Variants in SNAPC3 observed in about 807,000 individuals in gnomAD.
The protein encoded by SNAPC3 is snRNA-activating protein complex subunit 3.
Under a neutral mutation model 47.7 loss-of-function variants are expected in SNAPC3, and 56 were observed. That is an observed-to-expected ratio of 1.18 (90% confidence interval 0.95 to 1.47). The LOEUF (loss-of-function observed/expected upper bound fraction) is 1.47. Ranked by LOEUF, SNAPC3 falls within the 40% of genes most tolerant of loss-of-function variation. The probability of loss-of-function intolerance (pLI) is 0.00; values close to 1 mark genes in which losing one functional copy is unlikely to be tolerated. For missense variants in SNAPC3, 665 were observed against 511.3 expected (o/e 1.30, Z -2.90); for synonymous variants, 235 against 189.9 (o/e 1.24, Z -1.95).
Position 15,436,361 on chromosome 9 carries a change from A to G in SNAPC3, c.477+2725A>G, listed in dbSNP as rs77973928. ...ATCCACTTTGAGTTGATTTTTATAT[A>G]TGATGTAAGGTAAGGGTTTGATTTC... On this transcript the variant is annotated intron_variant, in intron 3 of 8. Coordinates refer to ENST00000380821, the MANE Select transcript of SNAPC3 (RefSeq NM_001039697.2). 1.8e-3 allele frequency among the ~76,000 whole-genome samples: 268 copies of G among 152,260 alleles called. 1 individual carries two copies. Among genetic ancestry groups the G allele is most frequent in the Admixed American group, 3.7e-3 (57 of 15,290 alleles).
At chr9:15,449,541 A>T (rs1421839996) in intron 5 of SNAPC3, among the ~76,000 whole-genome samples, 4 of 36,498 alleles carry the variant, frequency 1.1e-4, no homozygotes, top group African/African-American at 1.1e-4. Context: ...ATTATTATAT[A>T]TATATATATA....
intron 5 of SNAPC3, among the ~76,000 whole-genome samples, chr9:15,447,796 C>T (rs948536841): frequency 6.6e-6 from 1 of 152,172 alleles, no homozygotes; most frequent in East Asian, 1.9e-4. Context: ...CTTCACCTTT[C>T]GCTGCCCAAG....
At chr9:15,451,664 A>G (rs2034396491) in intron 6 of SNAPC3, among the ~76,000 whole-genome samples, 2 of 152,212 alleles carry the variant, frequency 1.3e-5, no homozygotes, top group South Asian at 4.1e-4. Context: ...GTGAATACCC[A>G]CTGCTTTCCA....
intron 5 of SNAPC3, among the ~76,000 whole-genome samples, chr9:15,448,689 T>C (rs925549419): frequency 6.6e-6 from 1 of 152,248 alleles, no homozygotes; most frequent in Non-Finnish European, 1.5e-5. Flanking sequence ...TGAGTTATGC[T>C]GAAAATGGTT....
At chr9:15,455,230 T>A (rs1430849976) in intron 7 of SNAPC3, among the ~76,000 whole-genome samples, 1 of 152,206 alleles carries the variant, frequency 6.6e-6, no homozygotes, top group Non-Finnish European at 1.5e-5. Flanking sequence ...ATATGACTTT[T>A]AAAATTATAG....
In SNAPC3 at chr9:15,423,981, T is replaced by C; in HGVS notation, c.387T>C (p.Thr129=). Reference sequence around the variant, plus strand: ...TTCCGGAGAATACTGACCTGGTGACTTTGGGGTATGGAGGACTTGGTTTTT... The same window carrying C: ...TTCCGGAGAATACTGACCTGGTGACCTTGGGGTATGGAGGACTTGGTTTTT... ...EVIPENTDLV[T]LGVRKRFLEH... The change falls in exon 2 of 9, where the codon ACT becomes ACC. Residue 129 remains threonine, a synonymous_variant. Transcript: ENST00000380821. The C allele has an allele frequency of 6.4e-7, 1 of 1,562,858 alleles. No individual in the cohort carries two copies. The highest frequency in any genetic ancestry group is 8.7e-7 in the Non-Finnish European group (1 of 1,153,432).
chr9:15,447,208 C>T lies in SNAPC3; in HGVS notation c.696C>T (p.Ser232=), dbSNP rs767428188. Residue 232 remains serine (S), a synonymous_variant, in exon 5 of 9, where the codon AGC becomes AGT. Coordinates refer to ENST00000380821, the MANE Select transcript of SNAPC3 (RefSeq NM_001039697.2). ...ACCTCCAGATTGGTGGTGAATTCAG[C>T]AACACTCCTGACCAAGCCCCTGAGC... ...VSDLQIGGEF[S]NTPDQAPEHI... The T allele has an allele frequency of 6.2e-7, 1 of 1,614,052 alleles. No homozygotes were observed. Among genetic ancestry groups the T allele is most frequent in the Non-Finnish European group, 8.5e-7 (1 of 1,179,950 alleles).
At chr9:15,442,554 G>A (rs1183719377) in intron 3 of SNAPC3, among the ~76,000 whole-genome samples, 3 of 149,958 alleles carry the variant, frequency 2.0e-5, no homozygotes, top group Non-Finnish European at 4.5e-5. Context: ...GGGCAGAGGC[G>A]CTCCTCACAT....
intron 3 of SNAPC3, chr9:15,433,910 C>T (rs1465126902): frequency 4.1e-6 from 1 of 241,770 alleles, no homozygotes; most frequent in East Asian, 8.2e-5. Context: ...TTTCACTACC[C>T]TATTTCTGGT....
intron 1 of SNAPC3, 143 bp downstream of exon 1, chr9:15,423,336 C>T: frequency 1.2e-6 from 1 of 822,866 alleles, no homozygotes; most frequent in Non-Finnish European, 1.8e-6. Context: ...GCTTTCAACC[C>T]GCTGGAGCCT....
At chr9:15,437,035 A>T (rs1397755185) in intron 3 of SNAPC3, among the ~76,000 whole-genome samples, 1 of 151,530 alleles carries the variant, frequency 6.6e-6, no homozygotes, top group African/African-American at 2.4e-5. Context: ...GTGTTGGCCA[A>T]ACTGGTCTCC....
At chr9:15,453,227 ATT>A in intron 7 of SNAPC3, 22 bp downstream of exon 7, 1 of 1,548,626 alleles carries the variant, frequency 6.5e-7, no homozygotes, top group Non-Finnish European at 8.7e-7. Flanking sequence ...CACTTAAGAC[ATT>A]TTGTTACCTT....
chr9:15,460,585 T>A lies in SNAPC3; in HGVS notation c.*719T>A, dbSNP rs1441926101. 6.6e-6 allele frequency: 1 copy of A among 152,254 alleles called. No homozygotes were observed. The highest frequency in any genetic ancestry group is 1.5e-5 in the Non-Finnish European group (1 of 68,074). The allele number at this position is 152,254 out of a possible 1,614,324, so 9.4% of individuals were successfully genotyped here. On this transcript the variant is annotated 3_prime_UTR_variant, in exon 9 of 9. Coordinates refer to ENST00000380821, the MANE Select transcript of SNAPC3 (RefSeq NM_001039697.2). ...TTTGTATTTTTAGTAGAGACGGGGT[T>A]TCACCATGTTGGCCAGGCTGGTCTC...
chr9:15,453,409 G>A (rs1311061986), intron 7 of SNAPC3: 4 of 445,948 alleles, frequency 9.0e-6, no homozygotes, highest in Non-Finnish European at 1.6e-5. Context: ...TCATTATTTT[G>A]GAAAATCTTT....
At chr9:15,451,841 G>GAT (rs1181749254) in intron 6 of SNAPC3, among the ~76,000 whole-genome samples, 12 of 151,824 alleles carry the variant, frequency 7.9e-5, no homozygotes, top group South Asian at 2.1e-4. Flanking sequence ...AGGTGATGGT[G>GAT]ATATATATAT....
intron 5 of SNAPC3, among the ~76,000 whole-genome samples, chr9:15,448,644 T>C (rs2034127717): frequency 6.6e-6 from 1 of 152,200 alleles, no homozygotes; most frequent in Non-Finnish European, 1.5e-5. Flanking sequence ...GAGACTAGCA[T>C]ATGGCTCACA....
At chr9:15,458,437 G>A (rs980931912) in intron 8 of SNAPC3, among the ~76,000 whole-genome samples, 1 of 152,108 alleles carries the variant, frequency 6.6e-6, no homozygotes, top group Non-Finnish European at 1.5e-5. Flanking sequence ...TTACCATAAA[G>A]GGATTTGGGA....
At chr9:15,459,253 C>A (rs4741505) in intron 8 of SNAPC3, among the ~76,000 whole-genome samples, 105,545 of 152,106 alleles carry the variant, frequency 0.69, 38,915 homozygotes, top group Non-Finnish European at 0.82. Context: ...ATCTTGAGTT[C>A]TAGGTAAAAA....
In SNAPC3 at chr9:15,451,401, A is replaced by T. The variant is rs1349466684; in HGVS notation, c.814A>T (p.Arg272Ter). ...ATACCCAGAATGCAGAGATTTGAGC[A>T]GGTATAGTTTCCAAAAATCTTCTCA... ...KRYPECRDLS[R>*]TIIEWSESHD... The change falls in exon 6 of 9, where the codon AGA becomes TGA. Residue 272 changes from arginine (R) to a stop codon, truncating the protein, a stop_gained and splice_region_variant. Coordinates refer to ENST00000380821, the MANE Select transcript of SNAPC3 (RefSeq NM_001039697.2). LOFTEE classifies it high-confidence loss of function. 3.4e-6 allele frequency: 5 copies of T among 1,475,892 alleles called. No individual in the cohort carries two copies. In the African/African-American group the frequency reaches 7.0e-5, roughly 21 times the overall value. The allele number at this position is 1,475,892 out of a possible 1,614,324, so 91.4% of individuals were successfully genotyped here. A position where few individuals can be genotyped will look rare whatever the true frequency, so the allele number is the denominator to read the frequency against.
Sources: allele counts gnomAD v4.1 joint callset (sites outside exome capture counted in the v4.1 genomes callset), GRCh38; gene constraint gnomAD v4.1.1; transcripts MANE v1.5; gene names NCBI Gene and HGNC (gene_info 2026-07-23, HGNC 2026-07-21).